The following MYO16 variants were observed in gnomAD, a reference collection of about 807,000 sequenced individuals.
The protein encoded by MYO16 is myosin XVI.
MYO16 carries 94 observed loss-of-function variants against 205.3 expected under a neutral mutation model. That is an observed-to-expected ratio of 0.46 (90% CI 0.39 to 0.54). The LOEUF is 0.54. Ranked by LOEUF, MYO16 falls within the 20% of genes least tolerant of loss-of-function variation. MYO16 has a pLI of 0.00. For missense variants in MYO16, 2,315 were observed against 2,387.5 expected (o/e 0.97, Z 0.63); for synonymous variants, 988 against 954.0 (o/e 1.04, Z -0.66).
chr13:108,938,924 C>T (rs1232271995), intron 16 of MYO16, among the ~76,000 whole-genome samples: 2 of 152,200 alleles, frequency 1.3e-5, no homozygotes, highest in East Asian at 1.9e-4. Flanking sequence ...TCCAGGTCAC[C>T]AGGCTGGCCA....
chr13:108,956,782 C>G (rs943597806), intron 16 of MYO16, among the ~76,000 whole-genome samples: 2 of 152,130 alleles, frequency 1.3e-5, no homozygotes, highest in Admixed American at 6.5e-5. Flanking sequence ...GGTTGCAGCC[C>G]CTTCCTGCAC....
At chr13:108,849,852 A>T (rs932049734) in intron 10 of MYO16, among the ~76,000 whole-genome samples, 1 of 144,012 alleles carries the variant, frequency 6.9e-6, no homozygotes, top group Non-Finnish European at 1.5e-5. Flanking sequence ...ATTTGCACCT[A>T]GACTGCCTTC....
At chr13:108,528,762 C>T in the MYO16 span, among the ~76,000 whole-genome samples, 1 of 144,126 alleles carries the variant, frequency 6.9e-6, no homozygotes, top group Admixed American at 7.2e-5. Context: ...TTTGCCTCCC[C>T]TCTCCCCTCC....
At chr13:108,616,120 G>A (rs1243238449) in intron 1 of MYO16, among the ~76,000 whole-genome samples, 1 of 152,208 alleles carries the variant, frequency 6.6e-6, no homozygotes, top group Non-Finnish European at 1.5e-5. Flanking sequence ...TTACTTGAGA[G>A]TGGGACACAT....
chr13:108,841,954 C>T (rs1877263138), intron 9 of MYO16, among the ~76,000 whole-genome samples: 1 of 152,074 alleles, frequency 6.6e-6, no homozygotes, highest in South Asian at 2.1e-4. Context: ...TTTGACAGGA[C>T]TGCCAAGACC....
At chr13:108,722,106 G>C (rs1395908347) in intron 3 of MYO16, among the ~76,000 whole-genome samples, 1 of 152,140 alleles carries the variant, frequency 6.6e-6, no homozygotes, top group East Asian at 1.9e-4. Flanking sequence ...ACCTTAACTA[G>C]CTCTTCTTGG....
intron 32 of MYO16, among the ~76,000 whole-genome samples, chr13:109,163,127 C>A (rs529126696): frequency 6.6e-6 from 1 of 151,080 alleles, no homozygotes; most frequent in East Asian, 1.9e-4. Context: ...ATCTATCCAG[C>A]GTTTCCTGCT....
intron 16 of MYO16, among the ~76,000 whole-genome samples, chr13:108,950,093 G>A (rs9587729): frequency 0.099 from 15,054 of 152,016 alleles, 898 homozygotes; most frequent in Middle Eastern, 0.24. Context: ...CAATTTTTAG[G>A]GAACAAAAGA....
chr13:109,120,163 A>G (rs1875921424), intron 28 of MYO16, among the ~76,000 whole-genome samples: 1 of 152,234 alleles, frequency 6.6e-6, no homozygotes, highest in South Asian at 2.1e-4. Flanking sequence ...AACAATGTTG[A>G]CACATGCAGT....
chr13:109,179,427 C>T (rs1879360482), intron 33 of MYO16, 115 bp from the exon 34 acceptor site: 1 of 693,096 alleles, frequency 1.4e-6, no homozygotes, highest in East Asian at 2.7e-5. Context: ...GTTTAAGGAT[C>T]ATCATTTCAA....
intron 2 of MYO16, among the ~76,000 whole-genome samples, chr13:108,693,665 C>CT (rs1381586024): frequency 4.6e-5 from 7 of 151,966 alleles, no homozygotes; most frequent in Non-Finnish European, 5.9e-5. Flanking sequence ...CTTTGGGCTG[C>CT]TGTTGATAGG....
At chr13:108,664,062 T>C (rs1272609277) in intron 1 of MYO16, among the ~76,000 whole-genome samples, 1 of 152,248 alleles carries the variant, frequency 6.6e-6, no homozygotes. Flanking sequence ...CAGAGCAATT[T>C]GTCATCGTTT....
rs113289872 is a variant in MYO16, at chr13:109,197,523, A to C, written c.5416-9086A>C. Among the ~76,000 whole-genome samples the C allele has an allele frequency of 5.4e-3, 823 of 152,264 alleles. 9 individuals carry two copies. Among genetic ancestry groups the C allele is most frequent in the African/African-American group, 0.018 (762 of 41,518 alleles). ...TAAACTCTCTAAGCAAGTACACTGG[A>C]TACTTTGTGCTGGGTAGAGATTAAT... On this transcript the variant is annotated intron_variant, in intron 34 of 34. Coordinates refer to ENST00000457511, the MANE Select transcript of MYO16 (RefSeq NM_001198950.3).
At chr13:108,948,863 T>A (rs9587728) in intron 16 of MYO16, among the ~76,000 whole-genome samples, 13,307 of 152,248 alleles carry the variant, frequency 0.087, 768 homozygotes, top group Middle Eastern at 0.21. Flanking sequence ...AAAGCAAAAG[T>A]ATTAGCACAC....
Position 108,956,229 on chromosome 13 carries a change from A to G in MYO16, c.1926-1459A>G, listed in dbSNP as rs570997679. 1.2e-3 allele frequency among the ~76,000 whole-genome samples: 189 copies of G among 152,212 alleles called. 2 individuals carry two copies. Among genetic ancestry groups the G allele is most frequent in the South Asian group, 2.9e-3 (14 of 4,820 alleles). ...GGCCCGCAATCCACCCTGTTTTCCC[A>G]GACAGAGACTTGCTACTCATCATGA... On this transcript the variant is annotated intron_variant, in intron 16 of 34. Coordinates refer to ENST00000457511, the MANE Select transcript of MYO16 (RefSeq NM_001198950.3).
At chr13:108,637,322 G>T (rs1402563549) in intron 1 of MYO16, among the ~76,000 whole-genome samples, 2 of 151,980 alleles carry the variant, frequency 1.3e-5, no homozygotes, top group African/African-American at 2.4e-5. Context: ...TGTTCTACTT[G>T]GGTACCCTTC....
At chr13:108,987,344 G>T (rs913473242) in intron 20 of MYO16, among the ~76,000 whole-genome samples, 6 of 152,100 alleles carry the variant, frequency 3.9e-5, no homozygotes, top group Admixed American at 1.3e-4. Flanking sequence ...TAAAAGAGAG[G>T]AACCCCCAAA....
intron 22 of MYO16, among the ~76,000 whole-genome samples, chr13:109,014,089 T>C (rs1759371715): frequency 6.6e-6 from 1 of 152,238 alleles, no homozygotes; most frequent in South Asian, 2.1e-4. Context: ...CTAGGGTTTT[T>C]ATGGTTTTAG....
At chr13:109,049,450 A>G (rs1423969133) in intron 24 of MYO16, among the ~76,000 whole-genome samples, 4 of 152,184 alleles carry the variant, frequency 2.6e-5, no homozygotes, top group African/African-American at 9.7e-5. Flanking sequence ...ATAGGATGAC[A>G]TGGATCTTGC....
Sources: allele counts gnomAD v4.1 joint callset (sites outside exome capture counted in the v4.1 genomes callset), GRCh38; gene constraint gnomAD v4.1.1; transcripts MANE v1.5; gene names NCBI Gene and HGNC (gene_info 2026-07-23, HGNC 2026-07-21).